Variants in EPHA6 observed in about 807,000 individuals in gnomAD.
EPHA6 encodes EPH receptor A6.
Under a neutral mutation model 112.0 loss-of-function variants are expected in EPHA6, and 50 were observed. The observed-to-expected ratio is 0.45, with a 90% CI of 0.36 to 0.56. The LOEUF (loss-of-function observed/expected upper bound fraction) is 0.56. EPHA6 is among the 20% of genes least tolerant of loss of function. EPHA6 has a pLI of 0.00. For synonymous variants in EPHA6, 529 were observed against 490.7 expected, an observed-to-expected ratio of 1.08 and a Z score of -1.03; for missense variants, 1,280 against 1,417.4, an observed-to-expected ratio of 0.90 and a Z score of 1.56.
intron 3 of EPHA6, among the ~76,000 whole-genome samples, chr3:97,112,755 G>A (rs945583529): frequency 3.3e-5 from 5 of 151,624 alleles, no homozygotes; most frequent in African/African-American, 1.2e-4. Context: ...TGTGTCTATT[G>A]CTAATAGGCT....
intron 3 of EPHA6, among the ~76,000 whole-genome samples, chr3:97,059,889 G>A (rs990859522): frequency 6.6e-5 from 10 of 151,898 alleles, no homozygotes; most frequent in Non-Finnish European, 1.0e-4. Context: ...ATTAGAGGCC[G>A]AGGTGGGCGG....
At chr3:97,210,719 T>TA (rs903744246) in intron 3 of EPHA6, among the ~76,000 whole-genome samples, 34 of 152,220 alleles carry the variant, frequency 2.2e-4, no homozygotes, top group African/African-American at 7.9e-4. Context: ...CAGTGCTACA[T>TA]AAAAAAACAC....
At chr3:97,427,873 A>G (rs1250762175) in intron 6 of EPHA6, among the ~76,000 whole-genome samples, 3 of 151,920 alleles carry the variant, frequency 2.0e-5, no homozygotes, top group Admixed American at 1.3e-4. Context: ...AATGTTGACT[A>G]TGCATGACAC....
At chr3:97,365,765 A>G (rs2084689215) in intron 5 of EPHA6, among the ~76,000 whole-genome samples, 1 of 152,198 alleles carries the variant, frequency 6.6e-6, no homozygotes, top group Non-Finnish European at 1.5e-5. Flanking sequence ...TGTGATTTTC[A>G]TGTAAACAAT....
At chr3:96,999,971 C>T (rs1173649482) in intron 3 of EPHA6, among the ~76,000 whole-genome samples, 1 of 151,878 alleles carries the variant, frequency 6.6e-6, no homozygotes, top group East Asian at 1.9e-4. Flanking sequence ...CTTTTCCTTC[C>T]AGCTCTCAAC....
chr3:97,533,149 A>G (rs775773841), intron 11 of EPHA6, among the ~76,000 whole-genome samples: 6 of 152,044 alleles, frequency 3.9e-5, no homozygotes, highest in Non-Finnish European at 2.9e-5. Flanking sequence ...ATAGATTGCT[A>G]TATATTCACT....
At chr3:97,587,770 A>G (rs1464874339) in intron 11 of EPHA6, among the ~76,000 whole-genome samples, 2 of 152,168 alleles carry the variant, frequency 1.3e-5, no homozygotes, top group Non-Finnish European at 2.9e-5. Context: ...CTATTTGCTT[A>G]CTTGGGCCTT....
At chr3:97,583,889 C>T (rs375428404) in intron 11 of EPHA6, among the ~76,000 whole-genome samples, 20 of 152,246 alleles carry the variant, frequency 1.3e-4, no homozygotes, top group African/African-American at 3.1e-4. Context: ...GTAGCCTGTA[C>T]GGTGGCTAAT....
chr3:97,010,903 G>T (rs1171622122), intron 3 of EPHA6, among the ~76,000 whole-genome samples: 3 of 152,154 alleles, frequency 2.0e-5, no homozygotes, highest in Non-Finnish European at 4.4e-5. Flanking sequence ...TCTTCGGAAA[G>T]AATTTGGTTT....
chr3:97,659,419 C>A (rs1007527626), intron 14 of EPHA6, among the ~76,000 whole-genome samples: 1 of 151,872 alleles, frequency 6.6e-6, no homozygotes, highest in Non-Finnish European at 1.5e-5. Context: ...CTTTTGAGAA[C>A]ATTGAAGAGA....
intron 14 of EPHA6, among the ~76,000 whole-genome samples, chr3:97,687,855 A>G (rs1484238836): frequency 4.6e-5 from 7 of 152,200 alleles, no homozygotes; most frequent in Non-Finnish European, 1.0e-4. Context: ...CCTGGGACCC[A>G]GGTTGCAGGA....
At chr3:97,581,747 C>G in intron 11 of EPHA6, among the ~76,000 whole-genome samples, 1 of 152,234 alleles carries the variant, frequency 6.6e-6, no homozygotes, top group African/African-American at 2.4e-5. Flanking sequence ...CTGGATCCCT[C>G]TGGCTCCACA....
intron 10 of EPHA6, among the ~76,000 whole-genome samples, chr3:97,491,387 C>G (rs1220175885): frequency 1.3e-5 from 2 of 152,088 alleles, no homozygotes; most frequent in African/African-American, 4.8e-5. Context: ...GATACTCAAG[C>G]AGTTTATTCT....
intron 3 of EPHA6, among the ~76,000 whole-genome samples, chr3:97,110,042 C>G (rs1201407986): frequency 6.6e-6 from 1 of 151,952 alleles, no homozygotes; most frequent in African/African-American, 2.4e-5. Flanking sequence ...ATACTCTTTT[C>G]TACATTTCTT....
At chr3:97,464,900 G>C (rs376942760) in intron 7 of EPHA6, among the ~76,000 whole-genome samples, 107 of 152,218 alleles carry the variant, frequency 7.0e-4, no homozygotes, top group African/African-American at 2.2e-3. Flanking sequence ...GATAAAGTTG[G>C]TGATGCTCAA....
At chr3:96,868,995 A>G (rs1187017471) in intron 2 of EPHA6, among the ~76,000 whole-genome samples, 1 of 152,026 alleles carries the variant, frequency 6.6e-6, no homozygotes, top group African/African-American at 2.4e-5. Context: ...GTAATTATGG[A>G]AAAAGGATGA....
intron 5 of EPHA6, among the ~76,000 whole-genome samples, chr3:97,348,517 T>A (rs531434450): frequency 5.9e-5 from 9 of 151,888 alleles, no homozygotes; most frequent in Admixed American, 5.3e-4. Flanking sequence ...CTTTTTCAGG[T>A]TACTTGAGAA....
chr3:97,485,703 G>T (rs2091683190), intron 10 of EPHA6, among the ~76,000 whole-genome samples: 1 of 152,218 alleles, frequency 6.6e-6, no homozygotes, highest in South Asian at 2.1e-4. Flanking sequence ...GCATAATTGA[G>T]AAGAGTGATT....
intron 3 of EPHA6, among the ~76,000 whole-genome samples, chr3:97,158,849 C>T (rs1288331800): frequency 6.6e-6 from 1 of 152,104 alleles, no homozygotes. Flanking sequence ...TATCAGTTTG[C>T]ATTGCCATGG....
Sources: gnomAD v4.1 joint callset for allele counts (sites outside exome capture counted in the v4.1 genomes callset) on GRCh38, gnomAD v4.1.1 for gene constraint, MANE v1.5 for transcripts, NCBI Gene and HGNC (gene_info 2026-07-23, HGNC 2026-07-21) for gene names.